MYO16: variants seen among roughly 807,000 people sequenced by gnomAD.
MYO16 encodes unconventional myosin-XVI.
In MYO16, 94 loss-of-function variants were observed where a neutral mutation model predicts 205.3. The ratio of observed to expected loss-of-function variants is 0.46; its 90% CI spans 0.39 to 0.54. The LOEUF is 0.54. Ranked by LOEUF, MYO16 falls within the 20% of genes least tolerant of loss-of-function variation. MYO16 has a pLI of 0.00. For missense variants in MYO16, 2,315 were observed against 2,387.5 expected (o/e 0.97, Z 0.63); for synonymous variants, 988 against 954.0 (o/e 1.04, Z -0.66).
intron 2 of MYO16, among the ~76,000 whole-genome samples, chr13:108,696,780 A>G (rs949436948): frequency 5.9e-5 from 9 of 152,142 alleles, no homozygotes; most frequent in Admixed American, 1.3e-4. Flanking sequence ...TTTCGACTAC[A>G]TGGAACTGCA....
intron 1 of MYO16, among the ~76,000 whole-genome samples, chr13:108,603,632 C>A (rs1376951068): frequency 6.6e-6 from 1 of 151,956 alleles, no homozygotes; most frequent in Non-Finnish European, 1.5e-5. Flanking sequence ...ACTCTGAGTT[C>A]ATTTGAATGG....
intron 13 of MYO16, 43 bp downstream of exon 13, chr13:108,883,229 CG>C: frequency 6.3e-7 from 1 of 1,593,426 alleles, no homozygotes; most frequent in Non-Finnish European, 8.6e-7. Context: ...AGGTTTGCCA[CG>C]GGGCTTGGCA....
At chr13:108,699,828 C>T (rs1883230747) in intron 2 of MYO16, among the ~76,000 whole-genome samples, 1 of 152,084 alleles carries the variant, frequency 6.6e-6, no homozygotes, top group Non-Finnish European at 1.5e-5. Context: ...TTATTACTAT[C>T]AATCTAATGT....
At chr13:108,980,322 C>T (rs186847537) in intron 20 of MYO16, among the ~76,000 whole-genome samples, 50 of 152,260 alleles carry the variant, frequency 3.3e-4, no homozygotes, top group Non-Finnish European at 5.9e-4. Flanking sequence ...AAATTCATTG[C>T]ACTGTTAGCT....
chr13:109,175,093 C>T (rs1047494960), intron 33 of MYO16, among the ~76,000 whole-genome samples: 2 of 152,128 alleles, frequency 1.3e-5, no homozygotes, highest in Admixed American at 6.5e-5. Context: ...ACCCACTACG[C>T]TCTGCATGTA....
chr13:108,620,035 C>A (rs1282387594), intron 1 of MYO16, among the ~76,000 whole-genome samples: 2 of 152,050 alleles, frequency 1.3e-5, no homozygotes, highest in East Asian at 3.9e-4. Flanking sequence ...GAGTCATGCT[C>A]CTTTATGGCT....
chr13:109,159,540 G>T (rs1878262840), intron 32 of MYO16, among the ~76,000 whole-genome samples: 1 of 152,198 alleles, frequency 6.6e-6, no homozygotes, highest in Non-Finnish European at 1.5e-5. Context: ...TGTGAGCCGG[G>T]CTCTATTCTA....
At chr13:108,965,320 T>A (rs1394240774) in intron 20 of MYO16, among the ~76,000 whole-genome samples, 1 of 152,172 alleles carries the variant, frequency 6.6e-6, no homozygotes, top group East Asian at 1.9e-4. Context: ...GATCAGTAAT[T>A]CTTCATCTTA....
chr13:108,554,557 C>G, the MYO16 span, among the ~76,000 whole-genome samples: 1 of 152,052 alleles, frequency 6.6e-6, no homozygotes, highest in Non-Finnish European at 1.5e-5. Context: ...TATTTGAAAA[C>G]CATCTGTCTC....
intron 20 of MYO16, among the ~76,000 whole-genome samples, chr13:108,972,473 G>C (rs1330894653): frequency 1.5e-5 from 2 of 137,014 alleles, no homozygotes; most frequent in African/African-American, 5.5e-5. Flanking sequence ...AAACAATGCA[G>C]ATGACTCACA....
At chr13:108,831,675 G>C (rs567035043) in intron 9 of MYO16, among the ~76,000 whole-genome samples, 28 of 152,222 alleles carry the variant, frequency 1.8e-4, no homozygotes, top group African/African-American at 6.5e-4. Context: ...ACCACACCCA[G>C]CTAATTTTTG....
intron 1 of MYO16, among the ~76,000 whole-genome samples, chr13:108,598,028 C>G (rs762173936): frequency 3.3e-5 from 5 of 152,168 alleles, no homozygotes; most frequent in Non-Finnish European, 7.3e-5. Flanking sequence ...CACGGCTGCT[C>G]CACTGCTGAA....
chr13:108,501,657 C>T, the MYO16 span, among the ~76,000 whole-genome samples: 1 of 152,344 alleles, frequency 6.6e-6, no homozygotes, highest in East Asian at 1.9e-4. Context: ...GAAGCCACCA[C>T]CACCAGTGGG....
chr13:108,904,450 A>G (rs1243266292), intron 15 of MYO16, among the ~76,000 whole-genome samples: 1 of 152,144 alleles, frequency 6.6e-6, no homozygotes, highest in African/African-American at 2.4e-5. Flanking sequence ...GTAATTTGCT[A>G]ATACATTGCC....
At chr13:108,679,425 G>C (rs1315045953) in intron 2 of MYO16, among the ~76,000 whole-genome samples, 1 of 152,076 alleles carries the variant, frequency 6.6e-6, no homozygotes, top group African/African-American at 2.4e-5. Flanking sequence ...TCTTTGCTTA[G>C]TTTATACTGT....
At chr13:108,903,258 T>A (rs1178129912) in intron 15 of MYO16, among the ~76,000 whole-genome samples, 1 of 152,256 alleles carries the variant, frequency 6.6e-6, no homozygotes, top group East Asian at 1.9e-4. Context: ...CATATTGTTA[T>A]AATTATTCTG....
chr13:108,810,683 G>A (rs1172960708), intron 7 of MYO16, among the ~76,000 whole-genome samples: 1 of 152,018 alleles, frequency 6.6e-6, no homozygotes, highest in Non-Finnish European at 1.5e-5. Flanking sequence ...GAAGAAATTT[G>A]CTGTAAATAT....
chr13:108,697,745 C>T (rs1350980283), intron 2 of MYO16, among the ~76,000 whole-genome samples: 2 of 151,656 alleles, frequency 1.3e-5, no homozygotes, highest in African/African-American at 4.8e-5. Flanking sequence ...TTTTTTGAGA[C>T]AGAACCTCAC....
intron 16 of MYO16, among the ~76,000 whole-genome samples, chr13:108,919,134 C>T (rs935279438): frequency 6.6e-6 from 1 of 152,108 alleles, no homozygotes; most frequent in Non-Finnish European, 1.5e-5. Flanking sequence ...TGAGCGAGGC[C>T]GTCTTCCCAG....
Sources: allele counts gnomAD v4.1 joint callset (sites outside exome capture counted in the v4.1 genomes callset), GRCh38; gene constraint gnomAD v4.1.1; transcripts MANE v1.5; gene names NCBI Gene and HGNC (gene_info 2026-07-23, HGNC 2026-07-21).